IFT122: variants seen among roughly 807,000 people sequenced by gnomAD.
The protein encoded by IFT122 is intraflagellar transport 122.
A neutral mutation model predicts 161.6 loss-of-function variants in IFT122; 118 were observed. The observed-to-expected ratio is 0.73, with a 90% CI of 0.63 to 0.85. IFT122 has a LOEUF of 0.85. Among genes scored for constraint, IFT122 ranks in the 40% least tolerant of loss-of-function variants. The pLI, the probability that IFT122 is intolerant of heterozygous loss-of-function variation, is 0.00. For missense variants in IFT122, 1,381 were observed against 1,579.6 expected, an observed-to-expected ratio of 0.87 and a Z score of 2.13; for synonymous variants, 550 against 602.4, an observed-to-expected ratio of 0.91 and a Z score of 1.27.
At chr3:129,471,308 AATG>A in intron 9 of IFT122, among the ~76,000 whole-genome samples, 1 of 152,218 alleles carries the variant, frequency 6.6e-6, no homozygotes. Flanking sequence ...GGGAGCAGAT[AATG>A]AAGTATTTTC....
At chr3:129,450,911 G>A (rs143547321) in intron 2 of IFT122, among the ~76,000 whole-genome samples, 1,636 of 151,758 alleles carry the variant, frequency 0.011, 33 homozygotes, top group African/African-American at 0.036. Context: ...TAGTAGAGAC[G>A]GGGTTTCTCC....
intron 19 of IFT122, 43 bp downstream of exon 19, chr3:129,500,111 C>T: frequency 6.2e-7 from 1 of 1,602,390 alleles, no homozygotes; most frequent in Non-Finnish European, 8.6e-7. Flanking sequence ...GGCAGCATGT[C>T]ATCACATGTC....
intron 18 of IFT122, among the ~76,000 whole-genome samples, chr3:129,497,510 A>C (rs551404508): frequency 2.0e-4 from 31 of 152,186 alleles, no homozygotes; most frequent in Non-Finnish European, 3.7e-4. Context: ...GTGACCACAG[A>C]GTGGATTTTC....
intron 26 of IFT122, among the ~76,000 whole-genome samples, chr3:129,516,218 T>TGC (rs1285926590): frequency 9.3e-6 from 1 of 107,456 alleles, no homozygotes; most frequent in African/African-American, 3.7e-5. Flanking sequence ...AGACTGCCTC[T>TGC]GCACACACAC....
chr3:129,484,525 T>A lies in IFT122; in HGVS notation c.1851+843T>A, dbSNP rs1281917452. Among the ~76,000 whole-genome samples, 3 of 152,336 alleles carry A rather than the reference T, an allele frequency of 2.0e-5. No individual in the cohort carries two copies. In the East Asian group the frequency reaches 5.8e-4, roughly 29 times the overall value. On this transcript the variant is annotated intron_variant, in intron 15 of 29. Coordinates refer to ENST00000348417, the MANE Select transcript of IFT122 (RefSeq NM_052989.3). ...AAGTGGAATCACACTGCAAATACTTTTCATGACTTTTATGTGTATACGTAT... is the reference window on the plus strand; with the variant it reads ...AAGTGGAATCACACTGCAAATACTTATCATGACTTTTATGTGTATACGTAT...
At chr3:129,517,620 G>T (rs938252259) in intron 27 of IFT122, 26 bp downstream of exon 27, 7 of 1,609,400 alleles carry the variant, frequency 4.3e-6, no homozygotes, top group Non-Finnish European at 5.9e-6. Context: ...GCCAGAGCCT[G>T]TGTGTGCGGC....
intron 15 of IFT122, among the ~76,000 whole-genome samples, chr3:129,486,249 A>G (rs898800217): frequency 6.6e-6 from 1 of 152,192 alleles, no homozygotes; most frequent in African/African-American, 2.4e-5. Flanking sequence ...CATGGCAAGC[A>G]GTTGGTGTGG....
chr3:129,515,894 A>G (rs534910551), intron 26 of IFT122, among the ~76,000 whole-genome samples: 5 of 152,304 alleles, frequency 3.3e-5, no homozygotes, highest in Admixed American at 1.3e-4. Flanking sequence ...CATTCAGACC[A>G]GGAGGCTGAG....
chr3:129,447,156 AAG>A (rs1559830645), intron 1 of IFT122, among the ~76,000 whole-genome samples: 1 of 152,208 alleles, frequency 6.6e-6, no homozygotes, highest in Non-Finnish European at 1.5e-5. Context: ...AAAATATTTT[AAG>A]AGATTTATTC....
intron 3 of IFT122, among the ~76,000 whole-genome samples, chr3:129,453,034 A>G (rs1380961576): frequency 2.6e-5 from 4 of 151,292 alleles, no homozygotes; most frequent in South Asian, 4.1e-4. Flanking sequence ...CTGAGATGGA[A>G]AAGACTGCAG....
intron 22 of IFT122, among the ~76,000 whole-genome samples, chr3:129,506,923 A>G (rs1220286363): frequency 6.6e-6 from 1 of 152,222 alleles, no homozygotes; most frequent in African/African-American, 2.4e-5. Flanking sequence ...ATTCTTACTC[A>G]TCCCAGCCAG....
intron 22 of IFT122, 50 bp downstream of exon 22, chr3:129,506,599 C>G (rs963616798): frequency 6.2e-7 from 1 of 1,610,558 alleles, no homozygotes; most frequent in African/African-American, 1.3e-5. Flanking sequence ...CACTCTGACA[C>G]CAAGATAAAC....
intron 1 of IFT122, among the ~76,000 whole-genome samples, chr3:129,449,304 G>A (rs2074448836): frequency 2.6e-5 from 4 of 152,148 alleles, no homozygotes; most frequent in African/African-American, 9.7e-5. Context: ...AATGCTGCCA[G>A]TTACACTGAA....
chr3:129,502,662 G>T, intron 19 of IFT122, 49 bp from the exon 20 acceptor site: 1 of 1,596,238 alleles, frequency 6.3e-7, no homozygotes, highest in Non-Finnish European at 8.5e-7. Flanking sequence ...ACGGCTTGCC[G>T]TTGACAAGAC....
chr3:129,482,699 T>C lies in IFT122; in HGVS notation c.1654-786T>C, dbSNP rs190177862. Among the ~76,000 whole-genome samples the C allele has an allele frequency of 2.6e-5, 4 of 152,324 alleles. No individual in the cohort carries two copies. The East Asian group carries it at 7.7e-4, about 29-fold the overall frequency. ...CATAGCCTTCAAGCTGACCTGGGCTTGGGTCCTGCCTGCATCCCTTACTGT... is the reference window on the plus strand; with the variant it reads ...CATAGCCTTCAAGCTGACCTGGGCTCGGGTCCTGCCTGCATCCCTTACTGT... On this transcript the variant is annotated intron_variant, in intron 14 of 29. Transcript: ENST00000348417.
chr3:129,509,896 T>C (rs910163000), intron 23 of IFT122, among the ~76,000 whole-genome samples: 6 of 152,220 alleles, frequency 3.9e-5, no homozygotes, highest in African/African-American at 7.2e-5. Context: ...CTCTATAAAA[T>C]AGGGATAACA....
chr3:129,455,425 C>A lies in IFT122; in HGVS notation c.194-3174C>A, dbSNP rs185155263. On this transcript the variant is annotated intron_variant, in intron 3 of 29. Coordinates refer to ENST00000348417, the MANE Select transcript of IFT122 (RefSeq NM_052989.3). The stretch of plus-strand genomic sequence containing the variant: ...TGACCTCGTGATCCGCCCACCTCGG[C>A]CTCCCAAAGTGCTGGGATTACAGGC... 5.4e-3 allele frequency among the ~76,000 whole-genome samples: 826 copies of A among 152,234 alleles called. 3 individuals carry two copies. The highest frequency in any genetic ancestry group is 8.9e-3 in the Non-Finnish European group (607 of 68,032).
At chr3:129,463,538 T>G (rs1417370838) in intron 5 of IFT122, 22 bp from the exon 6 acceptor site, 13 of 1,607,574 alleles carry the variant, frequency 8.1e-6, no homozygotes, top group Non-Finnish European at 1.1e-5. Context: ...TCCATCTTCT[T>G]TTATATTATT....
At chr3:129,444,425 T>G (rs1053201623) in intron 1 of IFT122, among the ~76,000 whole-genome samples, 1 of 152,256 alleles carries the variant, frequency 6.6e-6, no homozygotes, top group African/African-American at 2.4e-5. Context: ...CTTGCCTCTC[T>G]GTACTTTAGT....
Sources: allele counts gnomAD v4.1 joint callset (sites outside exome capture counted in the v4.1 genomes callset), GRCh38; gene constraint gnomAD v4.1.1; transcripts MANE v1.5; gene names NCBI Gene and HGNC (gene_info 2026-07-23, HGNC 2026-07-21).